Variants in AGMO observed in about 807,000 individuals in gnomAD.
The protein encoded by AGMO is alkylglycerol monooxygenase.
AGMO carries 75 observed loss-of-function variants against 60.2 expected under a neutral mutation model. That is an observed-to-expected ratio of 1.25 (90% confidence interval 1.03 to 1.51). AGMO has a LOEUF of 1.51. AGMO is among the 40% of genes most tolerant of loss of function. The pLI, the probability that AGMO is intolerant of heterozygous loss-of-function variation, is 0.00. For missense variants in AGMO, 763 were observed against 525.5 expected, an observed-to-expected ratio of 1.45 and a Z score of -4.42; for synonymous variants, 261 against 177.1, an observed-to-expected ratio of 1.47 and a Z score of -3.76.
the AGMO span, among the ~76,000 whole-genome samples, chr7:15,180,733 G>C: frequency 6.6e-6 from 1 of 152,120 alleles, no homozygotes; most frequent in Non-Finnish European, 1.5e-5. Context: ...GCAGGTGTTT[G>C]TAACAGCAGC....
chr7:15,461,738 A>C (rs1305852458), intron 3 of AGMO, among the ~76,000 whole-genome samples: 1 of 152,126 alleles, frequency 6.6e-6, no homozygotes, highest in East Asian at 1.9e-4. Context: ...TCCCTTGCCA[A>C]GAAACAAAAA....
intron 12 of AGMO, among the ~76,000 whole-genome samples, chr7:15,214,959 C>T (rs569824595): frequency 2.2e-4 from 33 of 152,158 alleles, no homozygotes; most frequent in Middle Eastern, 3.4e-3. Flanking sequence ...GCATCTTTGA[C>T]AGCAGTGATC....
chr7:15,535,021 C>T (rs1416760970), intron 3 of AGMO, among the ~76,000 whole-genome samples: 1 of 151,920 alleles, frequency 6.6e-6, no homozygotes, highest in Admixed American at 6.6e-5. Flanking sequence ...ATTTAAACTT[C>T]TCAAGTAGTC....
intron 12 of AGMO, among the ~76,000 whole-genome samples, chr7:15,317,335 T>C (rs925281828): frequency 6.6e-6 from 1 of 152,188 alleles, no homozygotes; most frequent in Non-Finnish European, 1.5e-5. Context: ...CTTATTTGAA[T>C]GTAACCTGAC....
At chr7:15,384,036 C>T (rs62449264) in intron 10 of AGMO, among the ~76,000 whole-genome samples, 1 of 151,968 alleles carries the variant, frequency 6.6e-6, no homozygotes, top group Non-Finnish European at 1.5e-5. Context: ...CCCAGGTTCA[C>T]GTCATTCTTC....
intron 12 of AGMO, among the ~76,000 whole-genome samples, chr7:15,246,623 C>T (rs1782750441): frequency 6.6e-6 from 1 of 152,094 alleles, no homozygotes; most frequent in South Asian, 2.1e-4. Flanking sequence ...ACGGGGTCTT[C>T]AGTTGATGAT....
chr7:15,301,913 G>A (rs775545021), intron 12 of AGMO, among the ~76,000 whole-genome samples: 1 of 152,066 alleles, frequency 6.6e-6, no homozygotes, highest in Non-Finnish European at 1.5e-5. Context: ...AAGTCAAAAT[G>A]TCATCCTGCC....
At chr7:15,218,281 T>G (rs1008622704) in intron 12 of AGMO, among the ~76,000 whole-genome samples, 7 of 151,504 alleles carry the variant, frequency 4.6e-5, no homozygotes, top group Admixed American at 1.3e-4. Flanking sequence ...ATATCTTCCT[T>G]CAGAGGAATG....
intron 5 of AGMO, among the ~76,000 whole-genome samples, chr7:15,416,440 G>C (rs2128493768): frequency 6.6e-6 from 1 of 152,220 alleles, no homozygotes; most frequent in South Asian, 2.1e-4. Flanking sequence ...TTTCAAAAAT[G>C]TGATTTTAAG....
chr7:15,294,463 T>A (rs916147574), intron 12 of AGMO, among the ~76,000 whole-genome samples: 2 of 151,752 alleles, frequency 1.3e-5, no homozygotes, highest in African/African-American at 4.8e-5. Flanking sequence ...AACATACCAA[T>A]AATTTCAAAT....
chr7:15,372,141 A>C (rs796207263), intron 10 of AGMO, among the ~76,000 whole-genome samples: 22 of 131,842 alleles, frequency 1.7e-4, no homozygotes, highest in African/African-American at 6.7e-4. Flanking sequence ...GGAGATAATC[A>C]GTTGAACGTC....
At chr7:15,515,871 G>A (rs1291834377) in intron 3 of AGMO, among the ~76,000 whole-genome samples, 1 of 152,154 alleles carries the variant, frequency 6.6e-6, no homozygotes, top group Admixed American at 6.5e-5. Context: ...TAGTACTGTA[G>A]ACAGGGTATG....
intron 12 of AGMO, among the ~76,000 whole-genome samples, chr7:15,253,743 C>T (rs765274407): frequency 4.6e-5 from 7 of 151,994 alleles, no homozygotes; most frequent in South Asian, 2.1e-4. Flanking sequence ...ATATACAATC[C>T]GTTATTGTTA....
At chr7:15,352,073 G>A (rs1782262130) in intron 12 of AGMO, among the ~76,000 whole-genome samples, 1 of 152,172 alleles carries the variant, frequency 6.6e-6, no homozygotes, top group South Asian at 2.1e-4. Context: ...TAATATGACA[G>A]AAGAAATAAC....
chr7:15,527,814 T>TA (rs1215719388), intron 3 of AGMO, among the ~76,000 whole-genome samples: 1 of 152,134 alleles, frequency 6.6e-6, no homozygotes, highest in Non-Finnish European at 1.5e-5. Flanking sequence ...AGAATTATGC[T>TA]AAATGTACTC....
chr7:15,482,839 A>G (rs759546216), intron 3 of AGMO, among the ~76,000 whole-genome samples: 9 of 152,226 alleles, frequency 5.9e-5, no homozygotes, highest in Non-Finnish European at 1.0e-4. Flanking sequence ...AGAGAAATCA[A>G]TAAGTTCAAT....
chr7:15,233,286 A>C (rs1583313313), intron 12 of AGMO, among the ~76,000 whole-genome samples: 1 of 152,292 alleles, frequency 6.6e-6, no homozygotes, highest in Admixed American at 6.5e-5. Flanking sequence ...CATCTAAATT[A>C]CCAGCCACAG....
At chr7:15,534,618 T>TA (rs1784443978) in intron 3 of AGMO, among the ~76,000 whole-genome samples, 1 of 151,948 alleles carries the variant, frequency 6.6e-6, no homozygotes. Flanking sequence ...AAGACAAAGA[T>TA]AATTCCATTA....
At chr7:15,466,132 G>A (rs1782278990) in intron 3 of AGMO, among the ~76,000 whole-genome samples, 2 of 152,052 alleles carry the variant, frequency 1.3e-5, no homozygotes. Flanking sequence ...ATTGTTGCTG[G>A]TACAATGGTG....
Sources: gnomAD v4.1 joint callset for allele counts (sites outside exome capture counted in the v4.1 genomes callset) on GRCh38, gnomAD v4.1.1 for gene constraint, MANE v1.5 for transcripts, NCBI Gene and HGNC (gene_info 2026-07-23, HGNC 2026-07-21) for gene names.